The following GRIK2 variants were observed in gnomAD, a reference collection of about 807,000 sequenced individuals.
The protein encoded by GRIK2 is glutamate receptor ionotropic, kainate 2.
In GRIK2, 32 loss-of-function variants were observed where a neutral mutation model predicts 100.3. The observed-to-expected ratio is 0.32, with a 90% CI of 0.24 to 0.43. The LOEUF (loss-of-function observed/expected upper bound fraction) is 0.43. Ranked by LOEUF, GRIK2 falls within the 20% of genes least tolerant of loss-of-function variation. GRIK2 has a pLI of 1.00. For missense variants in GRIK2, 843 were observed against 1,114.9 expected (o/e 0.76, Z 3.47); for synonymous variants, 417 against 389.4 (o/e 1.07, Z -0.83).
At chr6:101,489,228 A>T (rs538850442) in intron 2 of GRIK2, among the ~76,000 whole-genome samples, 10 of 146,298 alleles carry the variant, frequency 6.8e-5, no homozygotes, top group Admixed American at 6.8e-4. Context: ...TGTGAGTAAA[A>T]ATTGTGATGA....
intron 7 of GRIK2, among the ~76,000 whole-genome samples, chr6:101,750,506 T>C (rs1205525300): frequency 1.3e-5 from 2 of 152,226 alleles, no homozygotes; most frequent in East Asian, 3.9e-4. Flanking sequence ...CTTTGTCCTC[T>C]CAGTGGCATA....
chr6:102,024,533 T>C (rs562245432), intron 14 of GRIK2, among the ~76,000 whole-genome samples: 1 of 151,242 alleles, frequency 6.6e-6, no homozygotes, highest in South Asian at 2.1e-4. Flanking sequence ...AATCAGGTAG[T>C]AATATTGAAT....
rs967519628 is a variant in GRIK2, at chr6:102,002,321, ATATATAT to A, written c.2086-33012_2086-33006del. Among the ~76,000 whole-genome samples the A allele has an allele frequency of 8.5e-4, 126 of 147,790 alleles. 1 individual carries two copies. Among genetic ancestry groups the A allele is most frequent in the Middle Eastern group, 3.6e-3 (1 of 278 alleles). Reference sequence around the variant, plus strand: ...GTGTGTGTGTATATATATACATACTATATATATTATATATGTATGTAGTATATGTGCA... The same window carrying A: ...GTGTGTGTGTATATATATACATACTATATATATGTATGTAGTATATGTGCA... On this transcript the variant is annotated intron_variant, in intron 14 of 16. Coordinates refer to ENST00000369134, the MANE Select transcript of GRIK2 (RefSeq NM_021956.5).
At chr6:102,047,174 C>T (rs1416930941) in intron 15 of GRIK2, among the ~76,000 whole-genome samples, 1 of 151,944 alleles carries the variant, frequency 6.6e-6, no homozygotes, top group Non-Finnish European at 1.5e-5. Flanking sequence ...ACAAACTAAA[C>T]CCTAAAGTTA....
chr6:101,413,530 C>A (rs1187164637), intron 2 of GRIK2, among the ~76,000 whole-genome samples: 1 of 151,974 alleles, frequency 6.6e-6, no homozygotes, highest in Admixed American at 6.6e-5. Flanking sequence ...TTAAAACTTT[C>A]AGTAAATATA....
At chr6:101,532,120 GGTCT>G (rs1775471176) in intron 2 of GRIK2, among the ~76,000 whole-genome samples, 1 of 151,604 alleles carries the variant, frequency 6.6e-6, no homozygotes, top group African/African-American at 2.4e-5. Context: ...TTTGTGTTTT[GGTCT>G]ATCTATCTAA....
chr6:101,769,763 G>C (rs1051232831), intron 7 of GRIK2, among the ~76,000 whole-genome samples: 2 of 152,136 alleles, frequency 1.3e-5, no homozygotes, highest in African/African-American at 4.8e-5. Context: ...GTATTTATTT[G>C]AAAATAAAGC....
chr6:101,670,526 C>T (rs1770355753), intron 4 of GRIK2, among the ~76,000 whole-genome samples: 1 of 151,972 alleles, frequency 6.6e-6, no homozygotes, highest in Non-Finnish European at 1.5e-5. Context: ...AGTGTTTATC[C>T]TTAGGATGAA....
chr6:101,939,199 A>G (rs918249958), intron 14 of GRIK2, among the ~76,000 whole-genome samples: 1 of 152,084 alleles, frequency 6.6e-6, no homozygotes, highest in South Asian at 2.1e-4. Flanking sequence ...TATTAAAGGC[A>G]TAGACCAAGT....
chr6:101,732,432 A>G (rs1775339752), intron 7 of GRIK2, among the ~76,000 whole-genome samples: 1 of 152,100 alleles, frequency 6.6e-6, no homozygotes, highest in Admixed American at 6.6e-5. Context: ...AAGAGAAAAG[A>G]CTTGGTTGTT....
chr6:101,707,889 G>A (rs569300515), intron 7 of GRIK2, among the ~76,000 whole-genome samples: 6 of 151,500 alleles, frequency 4.0e-5, no homozygotes, highest in South Asian at 2.1e-4. Flanking sequence ...GCTCAATAAC[G>A]GGTTACAGTG....
intron 12 of GRIK2, chr6:101,890,405 T>C (rs1478440616): frequency 2.0e-5 from 3 of 152,374 alleles, no homozygotes; most frequent in Admixed American, 6.5e-5. Context: ...GTCATTGACA[T>C]GTAGGGTATG....
chr6:101,692,610 C>T (rs1189400675), intron 7 of GRIK2, among the ~76,000 whole-genome samples: 4 of 151,912 alleles, frequency 2.6e-5, no homozygotes, highest in Admixed American at 6.6e-5. Flanking sequence ...GATCTTCTTT[C>T]CTGTCTTCCT....
intron 14 of GRIK2, among the ~76,000 whole-genome samples, chr6:102,016,093 AGT>A (rs1491022176): frequency 2.0e-5 from 3 of 152,176 alleles, no homozygotes; most frequent in Admixed American, 2.0e-4. Context: ...AAAAAACTAG[AGT>A]GTGTTTCCTC....
chr6:101,632,679 A>G (rs1456909145), intron 4 of GRIK2, among the ~76,000 whole-genome samples: 1 of 152,112 alleles, frequency 6.6e-6, no homozygotes. Context: ...TATTTGAGCA[A>G]TTATTAAATT....
At chr6:101,614,011 G>A (rs920761747) in intron 2 of GRIK2, among the ~76,000 whole-genome samples, 1 of 151,566 alleles carries the variant, frequency 6.6e-6, no homozygotes, top group Non-Finnish European at 1.5e-5. Context: ...CTCCAGAGAG[G>A]TGAGGGACTG....
chr6:101,978,221 G>A (rs1318301830), intron 14 of GRIK2, among the ~76,000 whole-genome samples: 2 of 151,904 alleles, frequency 1.3e-5, no homozygotes, highest in Non-Finnish European at 2.9e-5. Context: ...TATATCACAG[G>A]TGTTTCAAGA....
At chr6:101,964,266 C>T (rs1792516962) in intron 14 of GRIK2, among the ~76,000 whole-genome samples, 1 of 151,368 alleles carries the variant, frequency 6.6e-6, no homozygotes, top group Non-Finnish European at 1.5e-5. Context: ...TAATTAGGTA[C>T]ATGATTTTGT....
chr6:101,480,594 C>G lies in GRIK2; in HGVS notation c.115+81202C>G, dbSNP rs548529985. 3.3e-5 allele frequency among the ~76,000 whole-genome samples: 5 copies of G among 152,226 alleles called. No homozygotes were observed. The East Asian group carries it at 9.7e-4, about 29-fold the overall frequency. ...TAGGTTGGTAAGGCAATCTCCCAGA[C>G]AAAGAAAATTTCCTCCCTAATGGAA... On this transcript the variant is annotated intron_variant, in intron 2 of 16. Coordinates refer to ENST00000369134, the MANE Select transcript of GRIK2 (RefSeq NM_021956.5).
Sources: gnomAD v4.1 joint callset for allele counts (sites outside exome capture counted in the v4.1 genomes callset) on GRCh38, gnomAD v4.1.1 for gene constraint, MANE v1.5 for transcripts, NCBI Gene and HGNC (gene_info 2026-07-23, HGNC 2026-07-21) for gene names.